The following SPIDR variants were observed in gnomAD, a reference collection of about 807,000 sequenced individuals.
SPIDR encodes the protein DNA repair-scaffolding protein.
In SPIDR, 93 loss-of-function variants were observed where a neutral mutation model predicts 104.6. The ratio of observed to expected loss-of-function variants is 0.89; its 90% confidence interval spans 0.75 to 1.06. The LOEUF (loss-of-function observed/expected upper bound fraction) is 1.06. Ranked by LOEUF, SPIDR falls within the 50% of genes least tolerant of loss-of-function variation. SPIDR has a pLI of 0.00. For synonymous variants in SPIDR, 431 were observed against 416.9 expected, an observed-to-expected ratio of 1.03 and a Z score of -0.41; for missense variants, 1,154 against 1,111.2, an observed-to-expected ratio of 1.04 and a Z score of -0.55.
At chr8:47,623,864 C>G (rs1484409904) in intron 10 of SPIDR, among the ~76,000 whole-genome samples, 1 of 152,174 alleles carries the variant, frequency 6.6e-6, no homozygotes, top group Admixed American at 6.6e-5. Flanking sequence ...AGGAATTGAA[C>G]TCAGCTCTGC....
intron 10 of SPIDR, among the ~76,000 whole-genome samples, chr8:47,661,631 T>TG (rs1237266801): frequency 6.6e-6 from 1 of 152,272 alleles, no homozygotes; most frequent in East Asian, 1.9e-4. Context: ...AGGATCGTGC[T>TG]GGTGTCTGCT....
intron 7 of SPIDR, among the ~76,000 whole-genome samples, chr8:47,432,458 T>A (rs1554689871): frequency 6.6e-6 from 1 of 152,220 alleles, no homozygotes; most frequent in African/African-American, 2.4e-5. Context: ...GTCCCCCACA[T>A]GCTTTACATC....
intron 10 of SPIDR, among the ~76,000 whole-genome samples, chr8:47,623,256 C>G (rs1204418007): frequency 7.9e-5 from 12 of 152,188 alleles, no homozygotes; most frequent in Non-Finnish European, 1.8e-4. Context: ...TGGAAAGGAA[C>G]ATCTGGTACC....
rs151202590 is a variant in SPIDR at position 47,431,531 on chromosome 8, G to A, written c.878-8792G>A. ...CTATTCCTACGGAATGAGTCACAGC[G>A]ACATGCCTAGTGGGAGGTGGGGTCA... On this transcript the variant is annotated intron_variant, in intron 7 of 19. Transcript: ENST00000297423. Among the ~76,000 whole-genome samples the A allele has an allele frequency of 9.2e-5, 14 of 152,304 alleles. No homozygotes were observed. The East Asian group carries it at 2.3e-3, about 25-fold the overall frequency.
intron 4 of SPIDR, 36 bp downstream of exon 4, chr8:47,291,173 A>T (rs2039836503): frequency 7.0e-7 from 1 of 1,419,634 alleles, no homozygotes; most frequent in African/African-American, 1.4e-5. Context: ...CAGATTTTGT[A>T]ACAGGAACAT....
At chr8:47,548,332 A>G (rs1035313612) in intron 8 of SPIDR, among the ~76,000 whole-genome samples, 27 of 152,222 alleles carry the variant, frequency 1.8e-4, no homozygotes, top group Admixed American at 5.2e-4. Flanking sequence ...AATAGAATAA[A>G]TAGATGATAT....
chr8:47,359,561 AT>A (rs1307893569), intron 5 of SPIDR, among the ~76,000 whole-genome samples: 2 of 152,134 alleles, frequency 1.3e-5, no homozygotes, highest in Non-Finnish European at 2.9e-5. Context: ...TAGAGGATGA[AT>A]TTGTTTAAAT....
At chr8:47,304,611 C>G (rs1002555343) in intron 5 of SPIDR, among the ~76,000 whole-genome samples, 1 of 152,178 alleles carries the variant, frequency 6.6e-6, no homozygotes, top group Non-Finnish European at 1.5e-5. Context: ...CTGCTTTCAC[C>G]ATGTGAAGTG....
At chr8:47,337,757 G>A (rs1333821796) in intron 5 of SPIDR, among the ~76,000 whole-genome samples, 1 of 151,742 alleles carries the variant, frequency 6.6e-6, no homozygotes, top group Non-Finnish European at 1.5e-5. Context: ...AACTTTTTTG[G>A]TAGTGTGTTA....
chr8:47,518,858 G>A (rs775230595), intron 8 of SPIDR, among the ~76,000 whole-genome samples: 1 of 151,976 alleles, frequency 6.6e-6, no homozygotes. Context: ...GATGGTCTCG[G>A]TCTACTGACC....
At chr8:47,404,112 A>C (rs1276711271) in intron 6 of SPIDR, among the ~76,000 whole-genome samples, 1 of 152,244 alleles carries the variant, frequency 6.6e-6, no homozygotes, top group East Asian at 1.9e-4. Context: ...AGGATTCCCT[A>C]TTTAATAAAT....
chr8:47,378,841 C>T (rs574674846), intron 5 of SPIDR, among the ~76,000 whole-genome samples: 1 of 152,278 alleles, frequency 6.6e-6, no homozygotes, highest in Non-Finnish European at 1.5e-5. Flanking sequence ...GGCCCTGGGA[C>T]TCTGAAATAA....
At chr8:47,548,868 C>T (rs1190552863) in intron 8 of SPIDR, among the ~76,000 whole-genome samples, 1 of 152,168 alleles carries the variant, frequency 6.6e-6, no homozygotes. Flanking sequence ...GTGCTGCACC[C>T]ATTAATTCAT....
chr8:47,477,085 A>G (rs1176779269), intron 8 of SPIDR, among the ~76,000 whole-genome samples: 4 of 152,232 alleles, frequency 2.6e-5, no homozygotes, highest in Non-Finnish European at 5.9e-5. Context: ...AGTTTTAAGC[A>G]TCTCTGAGCA....
At chr8:47,668,101 T>G (rs2075240737) in intron 10 of SPIDR, among the ~76,000 whole-genome samples, 1 of 152,200 alleles carries the variant, frequency 6.6e-6, no homozygotes, top group South Asian at 2.1e-4. Context: ...GCTAAATGAT[T>G]TTATTACCTA....
At chr8:47,511,685 C>A in intron 8 of SPIDR, 3 of 892,608 alleles carry the variant, frequency 3.4e-6, no homozygotes, top group Non-Finnish European at 5.7e-6. Flanking sequence ...AGGCCATAGC[C>A]ATCTCCGGCA....
chr8:47,732,552 C>T (rs2085434989), intron 19 of SPIDR: 2 of 258,874 alleles, frequency 7.7e-6, no homozygotes, highest in South Asian at 5.3e-5. Context: ...ACTTAGGAGG[C>T]TCTTTACTCC....
chr8:47,601,956 C>G (rs1345706811), intron 10 of SPIDR, among the ~76,000 whole-genome samples: 3 of 151,852 alleles, frequency 2.0e-5, no homozygotes, highest in Non-Finnish European at 2.9e-5. Context: ...TGATCAGGCT[C>G]TCTAGTTTAC....
In SPIDR at chr8:47,599,214, G is replaced by T; in HGVS notation, c.1544+18G>T. 1 of 1,611,564 alleles carries T rather than the reference G, an allele frequency of 6.2e-7. No individual in the cohort carries two copies. On this transcript the variant is annotated intron_variant, in intron 10 of 19. Coordinates refer to ENST00000297423, the MANE Select transcript of SPIDR (RefSeq NM_001080394.4). ...GGAACTCGGTGAGTGCCAAGATGCT[G>T]GTGTGGGGCAGAGGTGAAGAGTCAC...
Sources: gnomAD v4.1 joint callset for allele counts (sites outside exome capture counted in the v4.1 genomes callset) on GRCh38, gnomAD v4.1.1 for gene constraint, MANE v1.5 for transcripts, NCBI Gene and HGNC (gene_info 2026-07-23, HGNC 2026-07-21) for gene names.